Variants in UBE2H observed in about 807,000 individuals in gnomAD.
UBE2H encodes the protein ubiquitin conjugating enzyme E2 H.
A neutral mutation model predicts 29.0 loss-of-function variants in UBE2H; 3 were observed. The ratio of observed to expected loss-of-function variants is 0.10; its 90% CI spans 0.05 to 0.27. The LOEUF is 0.27. Among genes scored for constraint, UBE2H ranks in the 10% least tolerant of loss-of-function variants. UBE2H has a pLI of 1.00. For missense variants in UBE2H, 68 were observed against 228.2 expected, an observed-to-expected ratio of 0.30 and a Z score of 4.52; for synonymous variants, 69 against 82.9, an observed-to-expected ratio of 0.83 and a Z score of 0.91.
At chr7:129,903,745 A>G (rs1485990526) in intron 1 of UBE2H, among the ~76,000 whole-genome samples, 1 of 152,158 alleles carries the variant, frequency 6.6e-6, no homozygotes, top group Admixed American at 6.5e-5. Context: ...TTATTTAAAA[A>G]ACAAAACAAA....
chr7:129,837,236 T>A (rs759903222), intron 6 of UBE2H, among the ~76,000 whole-genome samples: 21 of 152,140 alleles, frequency 1.4e-4, no homozygotes, highest in Non-Finnish European at 2.8e-4. Flanking sequence ...GGGGACTGAC[T>A]GAAGCTGTGA....
intron 1 of UBE2H, among the ~76,000 whole-genome samples, chr7:129,891,289 G>C (rs1033740583): frequency 6.6e-6 from 1 of 151,882 alleles, no homozygotes; most frequent in African/African-American, 2.4e-5. Flanking sequence ...CAGTTCAAGA[G>C]AGTCTCCTGC....
At chr7:129,906,825 A>G (rs1239226980) in intron 1 of UBE2H, among the ~76,000 whole-genome samples, 1 of 152,196 alleles carries the variant, frequency 6.6e-6, no homozygotes, top group African/African-American at 2.4e-5. Flanking sequence ...GAAACAAAGA[A>G]GTTTCTTTGG....
intron 5 of UBE2H, among the ~76,000 whole-genome samples, chr7:129,854,072 T>TG (rs1185553146): frequency 1.3e-5 from 2 of 149,926 alleles, no homozygotes; most frequent in African/African-American, 4.9e-5. Context: ...TTTTTTTTTT[T>TG]TTTTTTTTTT....
intron 1 of UBE2H, among the ~76,000 whole-genome samples, chr7:129,883,840 T>C (rs1806303671): frequency 1.3e-5 from 2 of 152,080 alleles, no homozygotes; most frequent in African/African-American, 2.4e-5. Flanking sequence ...AGACTCCGTC[T>C]CAAAAAAATA....
chr7:129,834,796 TA>T lies in UBE2H; in HGVS notation c.*140del. The T allele has an allele frequency of 1.1e-6, 1 of 918,820 alleles. No homozygotes were observed. Among genetic ancestry groups the T allele is most frequent in the Non-Finnish European group, 1.6e-6 (1 of 640,492 alleles). 56.9% of individuals were successfully genotyped at this position (918,820 alleles called of 1,614,324 possible). On this transcript the variant is annotated 3_prime_UTR_variant, in exon 7 of 7. Transcript: ENST00000355621. ...AAATCAAGATCTAAAGGGTGATATATAATATATATATATCAATGCTATTATT... is the reference window on the plus strand; with the variant it reads ...AAATCAAGATCTAAAGGGTGATATATATATATATATATCAATGCTATTATT...
chr7:129,945,759 A>G (rs1339412127), intron 1 of UBE2H, among the ~76,000 whole-genome samples: 1 of 150,322 alleles, frequency 6.7e-6, no homozygotes, highest in Non-Finnish European at 1.5e-5. Flanking sequence ...TTTTTTTTTG[A>G]GACTGAGTTT....
chr7:129,891,953 C>CTTTTTTTTTTTTTT (rs753851134), intron 1 of UBE2H, among the ~76,000 whole-genome samples: 21 of 127,116 alleles, frequency 1.7e-4, no homozygotes, highest in Admixed American at 2.6e-4. Flanking sequence ...CATGCTACAC[C>CTTTTTTTTTTTTTT]TTTTTTTTTT....
Position 129,952,606 on chromosome 7 carries a change from G to A in UBE2H, c.-51C>T. 3.1e-6 allele frequency: 5 copies of A among 1,602,430 alleles called. No homozygotes were observed. Among genetic ancestry groups the A allele is most frequent in the Non-Finnish European group, 3.4e-6 (4 of 1,176,404 alleles). ...CCTCGGCCCGTCTGTCACGGGCCCGGGGCCCCGGCTCTGAGGAGCCCGCGG... is the reference window on the plus strand; with the variant it reads ...CCTCGGCCCGTCTGTCACGGGCCCGAGGCCCCGGCTCTGAGGAGCCCGCGG... On this transcript the variant is annotated 5_prime_UTR_variant, in exon 1 of 7. Coordinates refer to ENST00000355621, the MANE Select transcript of UBE2H (RefSeq NM_003344.4).
At chr7:129,948,153 C>A (rs889950605) in intron 1 of UBE2H, among the ~76,000 whole-genome samples, 2 of 151,686 alleles carry the variant, frequency 1.3e-5, no homozygotes, top group Admixed American at 1.3e-4. Flanking sequence ...AGCCACTGTG[C>A]CAGCTTTTTT....
At chr7:129,837,188 C>T (rs924260275) in intron 6 of UBE2H, among the ~76,000 whole-genome samples, 1 of 152,140 alleles carries the variant, frequency 6.6e-6, no homozygotes, top group Non-Finnish European at 1.5e-5. Context: ...GGGAGAGAGG[C>T]CAGGCCTAGA....
At position 129,845,065 on chromosome 7, in the gene UBE2H, G is replaced by A. The variant is rs1420587564; in HGVS notation, c.299-5730C>T. On this transcript the variant is annotated intron_variant, in intron 5 of 6. Coordinates refer to ENST00000355621, the MANE Select transcript of UBE2H (RefSeq NM_003344.4). ...GAATTGCTTGAACCTGGGAGGCAGAGGTTGTAGTGAGCTGAGATTGTACCA... is the reference window on the plus strand; with the variant it reads ...GAATTGCTTGAACCTGGGAGGCAGAAGTTGTAGTGAGCTGAGATTGTACCA... Among the ~76,000 whole-genome samples, 6 of 152,326 alleles carry A rather than the reference G, an allele frequency of 3.9e-5. No individual in the cohort carries two copies. In the East Asian group the frequency reaches 9.6e-4, roughly 24 times the overall value.
intron 3 of UBE2H, among the ~76,000 whole-genome samples, chr7:129,871,265 C>T (rs1235405705): frequency 6.6e-6 from 1 of 152,230 alleles, no homozygotes; most frequent in African/African-American, 2.4e-5. Flanking sequence ...AAAGCCTCAG[C>T]TGCCAGACAT....
chr7:129,932,664 C>T (rs1807431125), intron 1 of UBE2H, among the ~76,000 whole-genome samples: 2 of 150,808 alleles, frequency 1.3e-5, no homozygotes, highest in Admixed American at 6.7e-5. Flanking sequence ...GTCCCAGCTA[C>T]TCGGGAGGCT....
chr7:129,870,191 T>C (rs931863658), intron 3 of UBE2H, among the ~76,000 whole-genome samples: 1 of 152,326 alleles, frequency 6.6e-6, no homozygotes. Flanking sequence ...GTTCTGATCC[T>C]GCTCCCTCCT....
chr7:129,913,378 A>G (rs1376951161), intron 1 of UBE2H, among the ~76,000 whole-genome samples: 2 of 152,180 alleles, frequency 1.3e-5, no homozygotes, highest in South Asian at 2.1e-4. Flanking sequence ...TTTATATCCA[A>G]TTCAGAGCAT....
At position 129,902,806 on chromosome 7, in the gene UBE2H, A is replaced by G. The variant is rs112127364; in HGVS notation, c.54-21835T>C. ...CCCACCATTTACAAAAGTGGGGATA[A>G]GCATATTTACCCTACGGGGAAACTG... On this transcript the variant is annotated intron_variant, in intron 1 of 6. Coordinates refer to ENST00000355621, the MANE Select transcript of UBE2H (RefSeq NM_003344.4). Among the ~76,000 whole-genome samples, 1,427 of 152,318 alleles carry G rather than the reference A, an allele frequency of 9.4e-3. 24 individuals carry two copies. The highest frequency in any genetic ancestry group is 0.032 in the African/African-American group (1,347 of 41,586).
intron 1 of UBE2H, among the ~76,000 whole-genome samples, chr7:129,887,901 AAAAG>A (rs1806396896): frequency 2.6e-5 from 4 of 152,246 alleles, no homozygotes; most frequent in African/African-American, 9.6e-5. Context: ...AAAACAAAAC[AAAAG>A]CAAAAACAAA....
At chr7:129,842,840 T>C (rs1201156817) in intron 5 of UBE2H, among the ~76,000 whole-genome samples, 4 of 151,810 alleles carry the variant, frequency 2.6e-5, no homozygotes, top group East Asian at 1.9e-4. Flanking sequence ...GAGGTGGAGT[T>C]TGCAGTGAGC....
Sources: gnomAD v4.1 joint callset for allele counts (sites outside exome capture counted in the v4.1 genomes callset) on GRCh38, gnomAD v4.1.1 for gene constraint, MANE v1.5 for transcripts, NCBI Gene and HGNC (gene_info 2026-07-23, HGNC 2026-07-21) for gene names.